The following STK32C variants were observed in gnomAD, a reference collection of about 807,000 sequenced individuals.
STK32C encodes the protein serine/threonine-protein kinase 32C.
STK32C carries 31 observed loss-of-function variants against 56.5 expected under a neutral mutation model. That is an observed-to-expected ratio of 0.55 (90% CI 0.41 to 0.74). The LOEUF (loss-of-function observed/expected upper bound fraction) is 0.74, where lower values mean the gene tolerates loss of function less well. Among genes scored for constraint, STK32C ranks in the 30% least tolerant of loss-of-function variants. STK32C has a pLI of 0.00. For synonymous variants in STK32C, 309 were observed against 289.4 expected, an observed-to-expected ratio of 1.07 and a Z score of -0.69; for missense variants, 544 against 676.9, an observed-to-expected ratio of 0.80 and a Z score of 2.18.
intron 10 of STK32C, among the ~76,000 whole-genome samples, chr10:132,217,380 G>A (rs924760880): frequency 4.6e-5 from 7 of 152,202 alleles, no homozygotes; most frequent in Non-Finnish European, 1.0e-4. Context: ...ATTGTATCTA[G>A]GAAGTCACTT....
chr10:132,262,295 A>G (rs1026272993), intron 1 of STK32C, among the ~76,000 whole-genome samples: 1 of 152,194 alleles, frequency 6.6e-6, no homozygotes, highest in Non-Finnish European at 1.5e-5. Flanking sequence ...AAATTAACTC[A>G]AGACAAAGAC....
intron 2 of STK32C, among the ~76,000 whole-genome samples, chr10:132,232,313 G>A (rs1396522373): frequency 6.6e-6 from 1 of 152,202 alleles, no homozygotes; most frequent in Non-Finnish European, 1.5e-5. Context: ...ATTTGATTAA[G>A]TCAATCACAT....
chr10:132,256,050 C>T (rs2064109912), intron 1 of STK32C, among the ~76,000 whole-genome samples: 2 of 152,334 alleles, frequency 1.3e-5, no homozygotes, highest in South Asian at 4.1e-4. Flanking sequence ...CACCACCACC[C>T]TTCCAGCCTC....
At chr10:132,238,269 T>C (rs1430187533) in intron 2 of STK32C, among the ~76,000 whole-genome samples, 2 of 152,202 alleles carry the variant, frequency 1.3e-5, no homozygotes, top group Non-Finnish European at 2.9e-5. Flanking sequence ...ATTCAGGAGA[T>C]GCCCCTTGCT....
chr10:132,266,712 G>A (rs2064545030), intron 1 of STK32C, among the ~76,000 whole-genome samples: 1 of 151,932 alleles, frequency 6.6e-6, no homozygotes, highest in African/African-American at 2.4e-5. Context: ...CGTGGGTGGG[G>A]GAGGCGCTGG....
chr10:132,273,855 G>GTGAATGGTGAC (rs2064913592), intron 1 of STK32C, among the ~76,000 whole-genome samples: 1 of 152,188 alleles, frequency 6.6e-6, no homozygotes, highest in Non-Finnish European at 1.5e-5. Context: ...CGCACAGTGA[G>GTGAATGGTGAC]TGAATGAATG....
chr10:132,235,267 G>A (rs2063239513), intron 2 of STK32C, among the ~76,000 whole-genome samples: 2 of 152,080 alleles, frequency 1.3e-5, no homozygotes, highest in South Asian at 2.1e-4. Flanking sequence ...AGAGGCGGAG[G>A]CGGGCAGATC....
chr10:132,221,832 C>T lies in STK32C; in HGVS notation c.1251+809G>A, dbSNP rs547375593. On this transcript the variant is annotated intron_variant, in intron 10 of 11. Transcript: ENST00000298630. ...TGCACACACTCACAACTGACATCAACGCACCTGGGTGAGTGTGAGGGCTTC... is the reference window on the plus strand; with the variant it reads ...TGCACACACTCACAACTGACATCAATGCACCTGGGTGAGTGTGAGGGCTTC... Among the ~76,000 whole-genome samples the T allele has an allele frequency of 8.7e-5, 12 of 137,198 alleles. 1 individual carries two copies. In the South Asian group the frequency reaches 1.0e-3, roughly 12 times the overall value. The allele number at this position is 137,198 out of a possible 152,430, so 90.0% of individuals were successfully genotyped here.
At chr10:132,315,488 A>G (rs1383677189) in intron 1 of STK32C, among the ~76,000 whole-genome samples, 1 of 149,982 alleles carries the variant, frequency 6.7e-6, no homozygotes, top group Non-Finnish European at 1.5e-5. Context: ...AGTAAAATAA[A>G]TAAATAGATA....
intron 1 of STK32C, among the ~76,000 whole-genome samples, chr10:132,302,779 T>A (rs2065947492): frequency 6.6e-6 from 1 of 152,134 alleles, no homozygotes; most frequent in Non-Finnish European, 1.5e-5. Context: ...ATACCAACCG[T>A]GCGGGAGGAG....
intron 2 of STK32C, among the ~76,000 whole-genome samples, chr10:132,244,137 C>T (rs921273715): frequency 6.6e-6 from 1 of 152,160 alleles, no homozygotes; most frequent in East Asian, 1.9e-4. Context: ...ACAGGCCTCA[C>T]CTCACCCTCC....
Position 132,254,447 on chromosome 10 carries a change from CA to C in STK32C, c.263-8493del, listed in dbSNP as rs1358076790. ...AAGCCTGCCGCAGGGCGCCGGGAAT[CA>C]GCACTATGTCACCCCGGCACAATGC... On this transcript the variant is annotated intron_variant, in intron 1 of 11. Coordinates refer to ENST00000298630, the MANE Select transcript of STK32C (RefSeq NM_173575.4). Among the ~76,000 whole-genome samples the C allele has an allele frequency of 9.2e-5, 14 of 151,878 alleles. 1 individual carries two copies. In the South Asian group the frequency reaches 2.1e-3, roughly 23 times the overall value.
intron 1 of STK32C, among the ~76,000 whole-genome samples, chr10:132,272,746 T>G (rs890853570): frequency 6.6e-6 from 1 of 152,220 alleles, no homozygotes; most frequent in African/African-American, 2.4e-5. Flanking sequence ...CGTCGTCCTT[T>G]TGAAACAAAC....
chr10:132,293,972 C>A lies in STK32C; in HGVS notation c.262+13600G>T, dbSNP rs140856997. Among the ~76,000 whole-genome samples, 352 of 152,148 alleles carry A rather than the reference C, an allele frequency of 2.3e-3. 3 individuals are homozygous for A. Among genetic ancestry groups the A allele is most frequent in the African/African-American group, 8.2e-3 (341 of 41,514 alleles). ...CCCCGAGGGAGCTCAGAGGTGGGCA[C>A]AGGCAGGGGCCTTCAGGCGGGGCCA... On this transcript the variant is annotated intron_variant, in intron 1 of 11. Transcript: ENST00000298630.
rs1271585670 is a variant in STK32C, at chr10:132,304,958, C to A, written c.262+2614G>T. 2.0e-5 allele frequency among the ~76,000 whole-genome samples: 3 copies of A among 152,194 alleles called. No homozygotes were observed. In the South Asian group the frequency reaches 6.2e-4, roughly 31 times the overall value. ...TGTGACCCCGAGACGGGCGAGCGCC[C>A]CCCAGGTTGCAGAGCTGCTTAGCGG... On this transcript the variant is annotated intron_variant, in intron 1 of 11. Transcript: ENST00000298630.
intron 1 of STK32C, among the ~76,000 whole-genome samples, chr10:132,257,568 G>A (rs997176336): frequency 6.6e-6 from 1 of 152,074 alleles, no homozygotes; most frequent in Non-Finnish European, 1.5e-5. Context: ...GATGCTGCCT[G>A]TTCTGGCACA....
chr10:132,321,202 C>T (rs1212030901), downstream of STK32C, among the ~76,000 whole-genome samples: 2 of 152,190 alleles, frequency 1.3e-5, no homozygotes, highest in African/African-American at 2.4e-5. Context: ...ATGGGAGGCA[C>T]ATGGTGACCT....
chr10:132,283,587 T>A (rs4271318), intron 1 of STK32C, among the ~76,000 whole-genome samples: 5 of 152,084 alleles, frequency 3.3e-5, no homozygotes, highest in Admixed American at 6.5e-5. Flanking sequence ...GTGAAGGGGG[T>A]GGTTTGTGAC....
At chr10:132,258,557 G>A (rs1029651948) in intron 1 of STK32C, among the ~76,000 whole-genome samples, 5 of 152,216 alleles carry the variant, frequency 3.3e-5, no homozygotes, top group African/African-American at 9.7e-5. Flanking sequence ...GCGCTCTCCC[G>A]GGTGGCTGGG....
Sources: gnomAD v4.1 joint callset for allele counts (sites outside exome capture counted in the v4.1 genomes callset) on GRCh38, gnomAD v4.1.1 for gene constraint, MANE v1.5 for transcripts, NCBI Gene and HGNC (gene_info 2026-07-23, HGNC 2026-07-21) for gene names.